STK32B: variants seen among roughly 807,000 people sequenced by gnomAD.
The protein encoded by STK32B is serine/threonine-protein kinase 32B.
Under a neutral mutation model 52.6 loss-of-function variants are expected in STK32B, and 43 were observed. The ratio of observed to expected loss-of-function variants is 0.82; its 90% CI spans 0.64 to 1.05. STK32B has a LOEUF of 1.05. STK32B is among the 50% of genes least tolerant of loss of function. The probability of loss-of-function intolerance (pLI) is 0.00; values close to 1 mark genes in which losing one functional copy is unlikely to be tolerated. For missense variants in STK32B, 621 were observed against 534.6 expected, an observed-to-expected ratio of 1.16 and a Z score of -1.59; for synonymous variants, 238 against 204.3, an observed-to-expected ratio of 1.17 and a Z score of -1.41.
At chr4:5,444,282 G>T (rs575370140) in intron 6 of STK32B, among the ~76,000 whole-genome samples, 3 of 152,230 alleles carry the variant, frequency 2.0e-5, no homozygotes, top group East Asian at 1.9e-4. Context: ...CTCCAAGTCA[G>T]GTGCGGGATA....
chr4:5,054,491 T>G (rs1741921439), intron 1 of STK32B, among the ~76,000 whole-genome samples: 1 of 131,926 alleles, frequency 7.6e-6, no homozygotes, highest in African/African-American at 2.9e-5. Flanking sequence ...AGGCAGATGG[T>G]AAAGAGTAAG....
intron 2 of STK32B, among the ~76,000 whole-genome samples, chr4:5,159,231 A>AG (rs545025919): frequency 2.7e-4 from 41 of 152,090 alleles, no homozygotes; most frequent in Admixed American, 7.9e-4. Context: ...ACGCTGACTG[A>AG]GGAAACGTAT....
At chr4:5,355,103 A>G (rs1474013575) in intron 4 of STK32B, among the ~76,000 whole-genome samples, 1 of 152,152 alleles carries the variant, frequency 6.6e-6, no homozygotes, top group African/African-American at 2.4e-5. Context: ...TGTTGTTTCT[A>G]TCCGTGAAGT....
intron 4 of STK32B, among the ~76,000 whole-genome samples, chr4:5,389,701 G>C (rs572347217): frequency 6.6e-6 from 1 of 152,270 alleles, no homozygotes; most frequent in East Asian, 1.9e-4. Flanking sequence ...ACACTACCTG[G>C]AAGGGCTGTG....
At chr4:5,489,621 A>ATTTTTTTTTTTTTTTTT (rs1193462359) in intron 11 of STK32B, among the ~76,000 whole-genome samples, 3 of 151,708 alleles carry the variant, frequency 2.0e-5, no homozygotes, top group East Asian at 4.0e-4. Flanking sequence ...TATTTTATTT[A>ATTTTTTTTTTTTTTTTT]TTTTTTATTA....
In STK32B at chr4:5,296,604, C is replaced by T. The variant is rs187491706; in HGVS notation, c.261-34616C>T. On this transcript the variant is annotated intron_variant, in intron 3 of 11. Transcript: ENST00000282908. ...TGCAACCCCTGCTGTTTTTTGCTTTCCATTTGCTTGGTGAATATCCCTCCA... is the reference window on the plus strand; with the variant it reads ...TGCAACCCCTGCTGTTTTTTGCTTTTCATTTGCTTGGTGAATATCCCTCCA... 2.7e-3 allele frequency among the ~76,000 whole-genome samples: 406 copies of T among 152,042 alleles called. 2 individuals are homozygous for T. The highest frequency in any genetic ancestry group is 9.4e-3 in the African/African-American group (389 of 41,494).
intron 4 of STK32B, among the ~76,000 whole-genome samples, chr4:5,339,024 GA>G (rs1732895922): frequency 6.6e-6 from 1 of 152,156 alleles, no homozygotes; most frequent in Non-Finnish European, 1.5e-5. Flanking sequence ...CTGAGGGCCT[GA>G]ATAGAATGAA....
intron 3 of STK32B, among the ~76,000 whole-genome samples, chr4:5,197,665 C>T (rs1490162983): frequency 4.6e-5 from 7 of 152,190 alleles, no homozygotes; most frequent in African/African-American, 1.7e-4. Flanking sequence ...ACATAGTCTG[C>T]TTTTGCAACA....
At chr4:5,392,096 G>A (rs1577435747) in intron 4 of STK32B, among the ~76,000 whole-genome samples, 2 of 152,168 alleles carry the variant, frequency 1.3e-5, no homozygotes, top group African/African-American at 4.8e-5. Flanking sequence ...TGTGGATGGT[G>A]TAATAAATGA....
At chr4:5,457,163 G>C (rs1716605184) in intron 8 of STK32B, among the ~76,000 whole-genome samples, 1 of 150,990 alleles carries the variant, frequency 6.6e-6, no homozygotes, top group African/African-American at 2.4e-5. Flanking sequence ...TTGTCACTCT[G>C]CTACGAGCTC....
chr4:5,418,617 C>A (rs1395695659), intron 6 of STK32B, among the ~76,000 whole-genome samples: 1 of 152,192 alleles, frequency 6.6e-6, no homozygotes, highest in Non-Finnish European at 1.5e-5. Context: ...GGTACCTAAC[C>A]AGAGGTACAA....
chr4:5,021,871 G>A, the STK32B span, among the ~76,000 whole-genome samples: 1 of 152,142 alleles, frequency 6.6e-6, no homozygotes, highest in Non-Finnish European at 1.5e-5. Context: ...GGCCCCTGAG[G>A]AGTCACAGTC....
chr4:5,290,602 A>G (rs1465485659), intron 3 of STK32B, among the ~76,000 whole-genome samples: 1 of 152,116 alleles, frequency 6.6e-6, no homozygotes, highest in East Asian at 1.9e-4. Flanking sequence ...TTTTTTAATT[A>G]CTTAATTTTT....
intron 3 of STK32B, among the ~76,000 whole-genome samples, chr4:5,243,747 T>C (rs561985722): frequency 1.3e-5 from 2 of 152,130 alleles, no homozygotes; most frequent in South Asian, 4.1e-4. Context: ...TTTTGAGATA[T>C]GTCCCATCAA....
chr4:5,449,627 G>C (rs1715796029), intron 7 of STK32B, among the ~76,000 whole-genome samples: 1 of 152,140 alleles, frequency 6.6e-6, no homozygotes, highest in African/African-American at 2.4e-5. Flanking sequence ...CAGCAGAGCA[G>C]GGGGTGAAGG....
intron 4 of STK32B, among the ~76,000 whole-genome samples, chr4:5,337,810 G>T (rs1005631880): frequency 1.3e-5 from 2 of 152,082 alleles, no homozygotes; most frequent in Non-Finnish European, 2.9e-5. Context: ...AAATGAGTCA[G>T]CTCTGTATAT....
chr4:5,192,545 G>A (rs1721295588), intron 3 of STK32B, among the ~76,000 whole-genome samples: 1 of 152,114 alleles, frequency 6.6e-6, no homozygotes, highest in Non-Finnish European at 1.5e-5. Flanking sequence ...GATCACAATA[G>A]GATATTATTT....
Position 5,470,880 on chromosome 4 carries a change from C to G in STK32B, c.1106+2810C>G, listed in dbSNP as rs913074597. On this transcript the variant is annotated intron_variant, in intron 11 of 11. Transcript: ENST00000282908. This position sits in a 1 kb window ranked among gnomAD's most constrained non-coding sequence, Gnocchi z 4.6. ...AAATTAAATCGAGCACCTTCTTCCC[C>G]ACTTGAGCAGTGTAGTGAGTCGAGG... Among the ~76,000 whole-genome samples, 1 of 152,248 alleles carries G rather than the reference C, an allele frequency of 6.6e-6. No homozygotes were observed. The highest frequency in any genetic ancestry group is 2.4e-5 in the African/African-American group (1 of 41,472).
chr4:5,437,135 G>A (rs147247907), intron 6 of STK32B, among the ~76,000 whole-genome samples: 132 of 152,356 alleles, frequency 8.7e-4, no homozygotes, highest in Middle Eastern at 3.4e-3. Flanking sequence ...AAAGGACCCT[G>A]GAGTCAGAAA....
Sources: allele counts gnomAD v4.1 joint callset (sites outside exome capture counted in the v4.1 genomes callset), GRCh38; gene constraint gnomAD v4.1.1; non-coding constraint Gnocchi (gnomAD v3.1); transcripts MANE v1.5; gene names NCBI Gene and HGNC (gene_info 2026-07-23, HGNC 2026-07-21).